Variants in TEKT1 observed in about 807,000 individuals in gnomAD.
TEKT1 encodes tektin-1.
Under a neutral mutation model 34.8 loss-of-function variants are expected in TEKT1, and 32 were observed. The observed-to-expected ratio is 0.92, with a 90% confidence interval of 0.69 to 1.23. The LOEUF (loss-of-function observed/expected upper bound fraction) is 1.23. TEKT1 is among the 50% of genes most tolerant of loss of function. TEKT1 has a pLI of 0.00. For missense variants in TEKT1, 492 were observed against 518.5 expected (o/e 0.95, Z 0.50); for synonymous variants, 207 against 199.8 (o/e 1.04, Z -0.30).
At chr17:6,810,704 A>G (rs776214990) in intron 6 of TEKT1, among the ~76,000 whole-genome samples, 4 of 152,180 alleles carry the variant, frequency 2.6e-5, no homozygotes, top group Admixed American at 6.5e-5. Context: ...TTTTCCAACC[A>G]TGTATCACCA....
chr17:6,815,997 G>A lies in TEKT1; in HGVS notation c.357-35C>T, dbSNP rs374079530. 4.8e-5 allele frequency: 77 copies of A among 1,611,322 alleles called. No homozygotes were observed. In the South Asian group the frequency reaches 4.9e-4, roughly 10 times the overall value. The stretch of plus-strand genomic sequence containing the variant: ...GGAAAGGCAGCCAGTCAGCCAACAC[G>A]TGCAACATGAGGTGACTCAACATTG... On this transcript the variant is annotated intron_variant, in intron 3 of 7. Transcript: ENST00000338694.
intron 3 of TEKT1, among the ~76,000 whole-genome samples, 170 bp from the exon 4 acceptor site, chr17:6,816,132 A>G (rs886219462): frequency 1.3e-5 from 2 of 152,196 alleles, no homozygotes; most frequent in Admixed American, 6.5e-5. Context: ...GTGACTTCAA[A>G]ATATCCAAAC....
intron 6 of TEKT1, 69 bp downstream of exon 6, chr17:6,812,762 G>A (rs1555554400): frequency 3.4e-6 from 5 of 1,476,342 alleles, no homozygotes; most frequent in South Asian, 1.2e-5. Flanking sequence ...GGCCCAGGGG[G>A]CATTCTTGTT....
intron 2 of TEKT1, 144 bp downstream of exon 2, chr17:6,830,043 A>T: frequency 1.2e-6 from 1 of 812,900 alleles, no homozygotes; most frequent in Non-Finnish European, 1.9e-6. Flanking sequence ...AGGGCAGTGA[A>T]CTTAAACATA....
intron 4 of TEKT1, 68 bp downstream of exon 4, chr17:6,815,766 C>G: frequency 6.3e-7 from 1 of 1,597,266 alleles, no homozygotes. Flanking sequence ...TGGAGCCCAG[C>G]TTTTGTGGAC....
chr17:6,828,408 A>G (rs745423450), intron 2 of TEKT1, among the ~76,000 whole-genome samples: 8 of 152,240 alleles, frequency 5.3e-5, no homozygotes, highest in Non-Finnish European at 7.3e-5. Context: ...TACAGTCCTC[A>G]GACCAGGTTT....
intron 6 of TEKT1, among the ~76,000 whole-genome samples, chr17:6,810,754 T>G (rs1358165926): frequency 6.6e-6 from 1 of 152,194 alleles, no homozygotes; most frequent in East Asian, 1.9e-4. Context: ...TGCATTTTTT[T>G]TGAGATGGAG....
chr17:6,801,019 G>A, intron 6 of TEKT1, 76 bp from the exon 7 acceptor site: 3 of 1,362,690 alleles, frequency 2.2e-6, no homozygotes, highest in Non-Finnish European at 3.0e-6. Context: ...GATGGGTTGT[G>A]ATCATGTAAG....
chr17:6,812,979 G>A lies in TEKT1; in HGVS notation c.704C>T (p.Ser235Phe). The A allele has an allele frequency of 6.2e-7, 1 of 1,614,248 alleles. No individual in the cohort carries two copies. The highest frequency in any genetic ancestry group is 8.5e-7 in the Non-Finnish European group (1 of 1,180,050). ...VEKADKQRNN[S>F]LMLKALVDRI... ...ATCCACCAGGGCTTTCAGCATCAGG[G>A]AGTTGTTCCGCTGCTTGTCAGCCTT... Residue 235 changes from serine (S) to phenylalanine (F), a missense_variant, in exon 6 of 8, where the codon TCC becomes TTC. Transcript: ENST00000338694.
chr17:6,818,481 GA>G (rs1468402693), intron 3 of TEKT1, among the ~76,000 whole-genome samples: 2 of 152,170 alleles, frequency 1.3e-5, no homozygotes, highest in East Asian at 3.8e-4. Flanking sequence ...GTGCTGTCTG[GA>G]TTACAAAGTG....
chr17:6,815,022 AAGGTC>A (rs1976984128), intron 5 of TEKT1, 136 bp downstream of exon 5: 1 of 1,019,422 alleles, frequency 9.8e-7, no homozygotes. Flanking sequence ...GCCCAATGTC[AAGGTC>A]ACCATTCAAT....
intron 2 of TEKT1, among the ~76,000 whole-genome samples, chr17:6,822,640 C>T (rs547304755): frequency 7.9e-4 from 121 of 152,210 alleles, no homozygotes; most frequent in Middle Eastern, 3.4e-3. Context: ...CAAATGTTCT[C>T]TTTTTTAAAG....
At chr17:6,825,612 G>C (rs187281167) in intron 2 of TEKT1, among the ~76,000 whole-genome samples, 19 of 152,274 alleles carry the variant, frequency 1.2e-4, no homozygotes, top group Admixed American at 1.1e-3. Flanking sequence ...GGCATCCCAG[G>C]AGGTCTCTCA....
In TEKT1 at chr17:6,800,168, C is replaced by T; in HGVS notation, c.1116G>A (p.Leu372=). The stretch of plus-strand genomic sequence containing the variant: ...TCTCTTTGACCTGGATCTCCTCCTG[C>T]AGGGCAAGCTGTCTGCGATGCAGCC... The part of the protein sequence containing the change: ...LKGLHRRQLA[L]QEEIQVKENT... The change falls in exon 8 of 8, where the codon CTG becomes CTA. Residue 372 remains leucine, a synonymous_variant. Transcript: ENST00000338694. 6.2e-7 allele frequency: 1 copy of T among 1,614,200 alleles called. No individual in the cohort carries two copies. The highest frequency in any genetic ancestry group is 1.7e-5 in the Admixed American group (1 of 60,036).
intron 3 of TEKT1, among the ~76,000 whole-genome samples, chr17:6,818,703 C>G (rs1410112571): frequency 6.6e-6 from 1 of 152,072 alleles, no homozygotes; most frequent in Non-Finnish European, 1.5e-5. Context: ...AATGCCAGAC[C>G]CCACTTACTC....
Position 6,811,022 on chromosome 17 carries a change from G to A in TEKT1, c.852+1809C>T, listed in dbSNP as rs552019534. ...CTCCCAAAGTGCTGGGATTACAGGC[G>A]TGAGCCACCACGCCCGGCCGTGACA... On this transcript the variant is annotated intron_variant, in intron 6 of 7. Coordinates refer to ENST00000338694, the MANE Select transcript of TEKT1 (RefSeq NM_053285.2). The surrounding 1 kb of genome is among the most constrained non-coding windows in gnomAD (Gnocchi z 4.4). 4.1e-4 allele frequency among the ~76,000 whole-genome samples: 62 copies of A among 152,286 alleles called. No individual in the cohort carries two copies. The highest frequency in any genetic ancestry group is 1.3e-3 in the African/African-American group (55 of 41,542).
At chr17:6,801,039 G>A in intron 6 of TEKT1, 96 bp from the exon 7 acceptor site, 3 of 1,182,152 alleles carry the variant, frequency 2.5e-6, no homozygotes, top group Non-Finnish European at 3.6e-6. Flanking sequence ...GTTAGGAAGA[G>A]GGAACCTCAG....
chr17:6,799,562 A>G lies in TEKT1; in HGVS notation c.*465T>C, dbSNP rs1003439314. ...CTTAACCATTGACTTGAACCCATTG[A>G]CTTGAATGAATGGAATTTTGTTCTT... On this transcript the variant is annotated 3_prime_UTR_variant, in exon 8 of 8. Transcript: ENST00000338694. 6.5e-6 allele frequency: 1 copy of G among 154,350 alleles called. No homozygotes were observed. The highest frequency in any genetic ancestry group is 1.4e-5 in the Non-Finnish European group (1 of 69,552). 9.6% of individuals were successfully genotyped at this position (154,350 alleles called of 1,614,324 possible). A position where few individuals can be genotyped will look rare whatever the true frequency, so the allele number is the denominator to read the frequency against.
chr17:6,831,272 T>A, intron 1 of TEKT1, among the ~76,000 whole-genome samples: 1 of 152,180 alleles, frequency 6.6e-6, no homozygotes, highest in East Asian at 1.9e-4. Flanking sequence ...CAGACAGGGC[T>A]GAAATCTGCC....
Sources: gnomAD v4.1 joint callset for allele counts (sites outside exome capture counted in the v4.1 genomes callset) on GRCh38, gnomAD v4.1.1 for gene constraint, Gnocchi (gnomAD v3.1) non-coding constraint, MANE v1.5 for transcripts, NCBI Gene and HGNC (gene_info 2026-07-23, HGNC 2026-07-21) for gene names.